The following RAI14 variants were observed in gnomAD, a reference collection of about 807,000 sequenced individuals.
RAI14 encodes the protein retinoic acid induced 14.
Under a neutral mutation model 115.4 loss-of-function variants are expected in RAI14, and 45 were observed. The ratio of observed to expected loss-of-function variants is 0.39; its 90% CI spans 0.31 to 0.50. The LOEUF (loss-of-function observed/expected upper bound fraction) is 0.50, where lower values mean the gene tolerates loss of function less well. RAI14 is among the 20% of genes least tolerant of loss of function. RAI14 has a pLI of 0.85. For missense variants in RAI14, 939 were observed against 1,131.2 expected, an observed-to-expected ratio of 0.83 and a Z score of 2.44; for synonymous variants, 371 against 415.4, an observed-to-expected ratio of 0.89 and a Z score of 1.30.
chr5:34,747,758 G>A (rs1746475703), intron 2 of RAI14, among the ~76,000 whole-genome samples: 1 of 152,070 alleles, frequency 6.6e-6, no homozygotes, highest in African/African-American at 2.4e-5. Flanking sequence ...AGCTCCCAAG[G>A]TAGAAATGAG....
chr5:34,705,509 A>G (rs1488089648), intron 2 of RAI14, among the ~76,000 whole-genome samples: 3 of 152,174 alleles, frequency 2.0e-5, no homozygotes, highest in African/African-American at 7.2e-5. Flanking sequence ...GTTAGATCCT[A>G]AAAGAAAACT....
intron 1 of RAI14, among the ~76,000 whole-genome samples, chr5:34,665,198 T>TATATATAC (rs369742853): frequency 1.3e-5 from 1 of 75,718 alleles, no homozygotes; most frequent in East Asian, 2.9e-4. Flanking sequence ...TGTATATATA[T>TATATATAC]ACACACACCA....
At chr5:34,746,357 A>G (rs1472945299) in intron 2 of RAI14, among the ~76,000 whole-genome samples, 17 of 148,638 alleles carry the variant, frequency 1.1e-4, no homozygotes, top group African/African-American at 4.0e-4. Context: ...TGCCTGCCTC[A>G]GCCTCCCAAA....
intron 2 of RAI14, among the ~76,000 whole-genome samples, chr5:34,693,514 C>G (rs1738882233): frequency 6.6e-6 from 1 of 152,246 alleles, no homozygotes; most frequent in South Asian, 2.1e-4. Flanking sequence ...GTGCCAGGCA[C>G]TGTGCCAAGC....
chr5:34,762,755 C>T (rs1050210990), intron 3 of RAI14, among the ~76,000 whole-genome samples: 1 of 152,082 alleles, frequency 6.6e-6, no homozygotes, highest in African/African-American at 2.4e-5. Flanking sequence ...AAACCTCTTA[C>T]CGTAGAAGAG....
chr5:34,687,114 C>G (rs1166715329), intron 2 of RAI14, among the ~76,000 whole-genome samples, 159 bp downstream of exon 2: 1 of 152,194 alleles, frequency 6.6e-6, no homozygotes, highest in Non-Finnish European at 1.5e-5. Flanking sequence ...ATGGCATGCT[C>G]TAGGTTCCTT....
intron 13 of RAI14, among the ~76,000 whole-genome samples, chr5:34,821,015 A>C (rs1756767795): frequency 6.6e-6 from 1 of 152,198 alleles, no homozygotes; most frequent in Non-Finnish European, 1.5e-5. Context: ...CCGTGTGTTG[A>C]GAATGTAGAG....
intron 3 of RAI14, among the ~76,000 whole-genome samples, chr5:34,764,513 A>G (rs887703554): frequency 6.6e-6 from 1 of 151,296 alleles, no homozygotes; most frequent in Non-Finnish European, 1.5e-5. Context: ...AGGCTGAGGA[A>G]GGCCCAGGAA....
intron 2 of RAI14, among the ~76,000 whole-genome samples, chr5:34,730,179 C>T (rs963190260): frequency 1.1e-4 from 16 of 152,160 alleles, no homozygotes; most frequent in African/African-American, 3.9e-4. Flanking sequence ...TACTAGTTTT[C>T]ACCTATTGTT....
intron 12 of RAI14, among the ~76,000 whole-genome samples, chr5:34,816,106 C>T (rs1022126549): frequency 5.9e-5 from 9 of 152,042 alleles, no homozygotes; most frequent in South Asian, 2.1e-4. Context: ...GGCCATTATT[C>T]GAAAAACTGG....
intron 1 of RAI14, among the ~76,000 whole-genome samples, chr5:34,683,654 C>G (rs912450126): frequency 1.1e-4 from 16 of 151,862 alleles, no homozygotes; most frequent in African/African-American, 3.1e-4. Context: ...TCCTGCTGGA[C>G]TGATTTGTCC....
At chr5:34,782,381 C>G (rs1336755664) in intron 3 of RAI14, among the ~76,000 whole-genome samples, 3 of 152,162 alleles carry the variant, frequency 2.0e-5, no homozygotes, top group African/African-American at 7.2e-5. Flanking sequence ...ACAGAGACAA[C>G]ACAGATTAAA....
intron 2 of RAI14, among the ~76,000 whole-genome samples, chr5:34,693,843 C>T (rs901134320): frequency 6.6e-6 from 1 of 152,190 alleles, no homozygotes; most frequent in Non-Finnish European, 1.5e-5. Context: ...TTTTACATCA[C>T]CACAAGTCCA....
intron 1 of RAI14, among the ~76,000 whole-genome samples, chr5:34,668,636 A>G (rs1743395586): frequency 6.6e-6 from 1 of 151,896 alleles, no homozygotes; most frequent in Admixed American, 6.6e-5. Flanking sequence ...AGTTGATATC[A>G]TTTTTCTCTT....
At chr5:34,683,839 T>C (rs1744577633) in intron 1 of RAI14, among the ~76,000 whole-genome samples, 1 of 152,116 alleles carries the variant, frequency 6.6e-6, no homozygotes, top group African/African-American at 2.4e-5. Flanking sequence ...GCCATTCTCC[T>C]GCCTTAGCCT....
At position 34,829,741 on chromosome 5, in the gene RAI14, A is replaced by C. The variant is rs1301636954; in HGVS notation, c.2809A>C (p.Lys937Gln). 1 of 1,610,866 alleles carries C rather than the reference A, an allele frequency of 6.2e-7. No individual in the cohort carries two copies. The highest frequency in any genetic ancestry group is 8.5e-7 in the Non-Finnish European group (1 of 1,177,908). Residue 937 changes from lysine to glutamine, a missense_variant, in exon 17 of 18, where the codon AAA becomes CAA. Coordinates refer to ENST00000265109, the MANE Select transcript of RAI14 (RefSeq NM_015577.3). ...AATATTCCCTTTCTAGGAATGCAAG[A>C]AACAACACCAGGAGGTCATATCAGT... ...QLQNQLAECKKQHQEVISVYR... is the reference protein window; with the variant it reads ...QLQNQLAECKQQHQEVISVYR...
chr5:34,799,487 C>T (rs1488916703), intron 4 of RAI14, among the ~76,000 whole-genome samples: 1 of 113,440 alleles, frequency 8.8e-6, no homozygotes, highest in African/African-American at 3.9e-5. Context: ...ACAAAACACA[C>T]ACACAGACAC....
At chr5:34,793,851 G>C (rs368695464) in intron 3 of RAI14, among the ~76,000 whole-genome samples, 32 of 152,094 alleles carry the variant, frequency 2.1e-4, no homozygotes, top group African/African-American at 7.7e-4. Context: ...CAATTTTAGG[G>C]CTTAGTAATC....
rs375164958 is a variant in RAI14 at position 34,801,834 on chromosome 5, G to A, written c.257-1878G>A. ...GCCTGTAATCCCTGCACTTTGTGAG[G>A]CCGAGGCAGGAGGATTGCTTGAGGA... On this transcript the variant is annotated intron_variant, in intron 4 of 17. Transcript: ENST00000265109. Among the ~76,000 whole-genome samples, 9 of 152,278 alleles carry A rather than the reference G, an allele frequency of 5.9e-5. No homozygotes were observed. The East Asian group carries it at 7.7e-4, about 13-fold the overall frequency.
Sources: gnomAD v4.1 joint callset for allele counts (sites outside exome capture counted in the v4.1 genomes callset) on GRCh38, gnomAD v4.1.1 for gene constraint, MANE v1.5 for transcripts, NCBI Gene and HGNC (gene_info 2026-07-23, HGNC 2026-07-21) for gene names.